Variants in BARX2 observed in about 807,000 individuals in gnomAD.
BARX2 encodes homeobox protein BarH-like 2.
In BARX2, 11 loss-of-function variants were observed where a neutral mutation model predicts 25.5. The ratio of observed to expected loss-of-function variants is 0.43; its 90% CI spans 0.27 to 0.71. The LOEUF (loss-of-function observed/expected upper bound fraction) is 0.71. BARX2 is among the 30% of genes least tolerant of loss of function. The probability of loss-of-function intolerance (pLI) is 0.19; values close to 1 mark genes in which losing one functional copy is unlikely to be tolerated. For synonymous variants in BARX2, 137 were observed against 149.5 expected, an observed-to-expected ratio of 0.92 and a Z score of 0.61; for missense variants, 360 against 359.9, an observed-to-expected ratio of 1.00 and a Z score of 0.00.
intron 1 of BARX2, among the ~76,000 whole-genome samples, chr11:129,422,351 T>A (rs1591440371): frequency 1.3e-5 from 2 of 151,774 alleles, no homozygotes; most frequent in Admixed American, 1.3e-4. Context: ...CAGGCTGCAG[T>A]GCAATGGTGC....
At chr11:129,417,026 C>G (rs922511594) in intron 1 of BARX2, among the ~76,000 whole-genome samples, 27 of 151,920 alleles carry the variant, frequency 1.8e-4, no homozygotes, top group African/African-American at 6.3e-4. Context: ...CTCAGCCTCC[C>G]CAGTAGCTGG....
intron 1 of BARX2, among the ~76,000 whole-genome samples, chr11:129,406,135 G>A (rs1861827126): frequency 6.6e-6 from 1 of 152,158 alleles, no homozygotes; most frequent in Admixed American, 6.5e-5. Context: ...ATAATAAATG[G>A]ATGGTACTAA....
chr11:129,427,372 G>T (rs922046497), intron 1 of BARX2, among the ~76,000 whole-genome samples: 22 of 152,090 alleles, frequency 1.4e-4, no homozygotes, highest in Non-Finnish European at 2.8e-4. Flanking sequence ...GGAATACTTC[G>T]GTGTGGGTGA....
intron 1 of BARX2, among the ~76,000 whole-genome samples, chr11:129,412,572 A>T (rs1861901284): frequency 6.6e-6 from 1 of 152,240 alleles, no homozygotes; most frequent in Non-Finnish European, 1.5e-5. Flanking sequence ...TCACATTGAT[A>T]CCCACTTTTA....
intron 1 of BARX2, among the ~76,000 whole-genome samples, chr11:129,414,065 C>CAA (rs879620964): frequency 0.044 from 5,873 of 133,098 alleles, 479 homozygotes; most frequent in African/African-American, 0.16. Context: ...GACTCCATCT[C>CAA]AAAAAAAAAA....
At chr11:129,420,638 G>A (rs1861994099) in intron 1 of BARX2, among the ~76,000 whole-genome samples, 9 of 152,208 alleles carry the variant, frequency 5.9e-5, no homozygotes, top group Admixed American at 5.9e-4. Flanking sequence ...GATCACCCAT[G>A]GGAATATCAG....
intron 1 of BARX2, among the ~76,000 whole-genome samples, chr11:129,424,522 A>G (rs1274783365): frequency 6.6e-6 from 1 of 151,892 alleles, no homozygotes; most frequent in Non-Finnish European, 1.5e-5. Flanking sequence ...CCCCTCTTGG[A>G]ACTCAGTTCC....
In BARX2 at chr11:129,434,399, T is replaced by TA. The variant is rs1425055305; in HGVS notation, c.188-2352_188-2351insA. Among the ~76,000 whole-genome samples the TA allele has an allele frequency of 3.5e-5, 4 of 115,872 alleles. No individual in the cohort carries two copies. In the East Asian group the frequency reaches 1.1e-3, roughly 31 times the overall value. The allele number at this position is 115,872 out of a possible 152,430, so 76.0% of individuals were successfully genotyped here. On this transcript the variant is annotated intron_variant, in intron 1 of 3. Transcript: ENST00000281437. Reference sequence around the variant, plus strand: ...GGGCAACAGAGACCCTGTCTCTACTTTAAAAAAAAAAAAAAAGTAAGTAAA... The same window carrying TA: ...GGGCAACAGAGACCCTGTCTCTACTTATAAAAAAAAAAAAAAAGTAAGTAAA...
At chr11:129,396,224 G>A (rs1208244217) in intron 1 of BARX2, among the ~76,000 whole-genome samples, 4 of 152,170 alleles carry the variant, frequency 2.6e-5, no homozygotes, top group Admixed American at 6.5e-5. Flanking sequence ...AAAATAGTAT[G>A]GTTTTGAACC....
intron 3 of BARX2, among the ~76,000 whole-genome samples, chr11:129,446,416 G>C (rs1375907950): frequency 6.6e-6 from 1 of 152,096 alleles, no homozygotes; most frequent in Admixed American, 6.5e-5. Context: ...CTTAACCTCT[G>C]TGTGCCTGTT....
intron 1 of BARX2, among the ~76,000 whole-genome samples, chr11:129,424,211 T>C (rs941696267): frequency 2.6e-5 from 4 of 152,216 alleles, no homozygotes; most frequent in African/African-American, 9.6e-5. Flanking sequence ...CCTTCAACTT[T>C]GGTTTTGAGT....
At position 129,451,457 on chromosome 11, in the gene BARX2, G is replaced by T; in HGVS notation, c.*55G>T. The T allele has an allele frequency of 6.4e-7, 1 of 1,573,954 alleles. No homozygotes were observed. The highest frequency in any genetic ancestry group is 8.7e-7 in the Non-Finnish European group (1 of 1,155,954). On this transcript the variant is annotated 3_prime_UTR_variant, in exon 4 of 4. Transcript: ENST00000281437. ...CTGGGGAGAAGGGAAAAGAGAGAAG[G>T]CAGGGAGAGTAGGGAGAGAAAACCT...
chr11:129,388,117 G>A (rs1199149235), intron 1 of BARX2, among the ~76,000 whole-genome samples: 1 of 151,808 alleles, frequency 6.6e-6, no homozygotes, highest in Non-Finnish European at 1.5e-5. Flanking sequence ...GTGTGTGTGT[G>A]TAGATATAAA....
chr11:129,446,491 G>A (rs1862330778), intron 3 of BARX2, among the ~76,000 whole-genome samples: 2 of 152,140 alleles, frequency 1.3e-5, no homozygotes, highest in Non-Finnish European at 2.9e-5. Flanking sequence ...GCTAATCTCT[G>A]TAAAACACGT....
intron 1 of BARX2, among the ~76,000 whole-genome samples, chr11:129,414,065 CA>C (rs879620964): frequency 1.6e-3 from 213 of 132,786 alleles, no homozygotes; most frequent in East Asian, 5.2e-3. Context: ...GACTCCATCT[CA>C]AAAAAAAAAA....
At chr11:129,448,009 C>G (rs1435729445) in intron 3 of BARX2, among the ~76,000 whole-genome samples, 2 of 152,208 alleles carry the variant, frequency 1.3e-5, no homozygotes, top group Non-Finnish European at 2.9e-5. Context: ...GTCAGCATCT[C>G]TACCTCGTTA....
intron 1 of BARX2, among the ~76,000 whole-genome samples, chr11:129,380,271 GC>G (rs1565507473): frequency 6.6e-6 from 1 of 152,118 alleles, no homozygotes; most frequent in Non-Finnish European, 1.5e-5. Context: ...TTAGGAGGTG[GC>G]ATCAAGAACA....
intron 1 of BARX2, among the ~76,000 whole-genome samples, chr11:129,379,610 G>A (rs977640607): frequency 1.8e-4 from 28 of 152,090 alleles, no homozygotes; most frequent in African/African-American, 6.8e-4. Flanking sequence ...AAGCATCGGC[G>A]TGGTCATTTT....
chr11:129,387,436 G>A (rs915286340), intron 1 of BARX2, among the ~76,000 whole-genome samples: 5 of 152,150 alleles, frequency 3.3e-5, no homozygotes, highest in Admixed American at 1.3e-4. Flanking sequence ...GATATTTAGG[G>A]TAAATTTTAA....
Sources: gnomAD v4.1 joint callset for allele counts (sites outside exome capture counted in the v4.1 genomes callset) on GRCh38, gnomAD v4.1.1 for gene constraint, MANE v1.5 for transcripts, NCBI Gene and HGNC (gene_info 2026-07-23, HGNC 2026-07-21) for gene names.